The following CSMD1 variants were observed in gnomAD, a reference collection of about 807,000 sequenced individuals.
CSMD1 encodes the protein CUB and sushi domain-containing protein 1.
Under a neutral mutation model 417.5 loss-of-function variants are expected in CSMD1, and 213 were observed. The observed-to-expected ratio is 0.51, with a 90% CI of 0.46 to 0.57. The LOEUF is 0.57. Ranked by LOEUF, CSMD1 falls within the 20% of genes least tolerant of loss-of-function variation. CSMD1 has a pLI of 0.00. For missense variants in CSMD1, 6,923 were observed against 4,529.7 expected, an observed-to-expected ratio of 1.53 and a Z score of -15.17; for synonymous variants, 2,862 against 1,736.8, an observed-to-expected ratio of 1.65 and a Z score of -16.11.
intron 2 of CSMD1, among the ~76,000 whole-genome samples, chr8:4,484,489 A>C (rs1801263966): frequency 6.6e-6 from 1 of 152,112 alleles, no homozygotes; most frequent in Admixed American, 6.5e-5. Flanking sequence ...GGCACAAAAG[A>C]GAACAGGGGA....
chr8:4,899,087 G>C (rs7816996), intron 1 of CSMD1, among the ~76,000 whole-genome samples: 10 of 152,002 alleles, frequency 6.6e-5, no homozygotes, highest in Admixed American at 1.3e-4. Flanking sequence ...TGATTTAAGT[G>C]TGATCTGTTA....
intron 5 of CSMD1, among the ~76,000 whole-genome samples, chr8:3,883,471 T>C (rs1002357387): frequency 2.0e-5 from 3 of 152,152 alleles, no homozygotes; most frequent in South Asian, 2.1e-4. Flanking sequence ...AGTGTGTATA[T>C]ATGTATATGC....
At chr8:4,656,166 G>C (rs2045867) in intron 1 of CSMD1, among the ~76,000 whole-genome samples, 86,730 of 151,712 alleles carry the variant, frequency 0.57, 25,149 homozygotes, top group Admixed American at 0.67. Flanking sequence ...GGGAATGAGG[G>C]AAAACCCCAT....
At chr8:4,733,749 G>A (rs1810048105) in intron 1 of CSMD1, among the ~76,000 whole-genome samples, 1 of 152,078 alleles carries the variant, frequency 6.6e-6, no homozygotes, top group Non-Finnish European at 1.5e-5. Flanking sequence ...AAGTAAAACT[G>A]GTAAACAAAG....
At chr8:3,678,560 A>C (rs912320293) in intron 7 of CSMD1, among the ~76,000 whole-genome samples, 1 of 152,192 alleles carries the variant, frequency 6.6e-6, no homozygotes, top group Non-Finnish European at 1.5e-5. Context: ...TCTATGTCTG[A>C]TTGGTGTACC....
intron 1 of CSMD1, among the ~76,000 whole-genome samples, chr8:4,851,646 T>G (rs1373280416): frequency 6.6e-6 from 1 of 152,098 alleles, no homozygotes; most frequent in East Asian, 1.9e-4. Flanking sequence ...ATTACCTGAC[T>G]TCTCAATGTC....
chr8:3,335,046 G>C (rs924878576), intron 23 of CSMD1, among the ~76,000 whole-genome samples: 4 of 152,194 alleles, frequency 2.6e-5, no homozygotes, highest in Non-Finnish European at 5.9e-5. Context: ...TTCTGATACA[G>C]CTCATGGCAG....
At chr8:3,965,121 T>C (rs56390506) in intron 5 of CSMD1, among the ~76,000 whole-genome samples, 2,233 of 152,258 alleles carry the variant, frequency 0.015, 49 homozygotes, top group African/African-American at 0.05. Context: ...GCTATTATTA[T>C]TGTAATTGTG....
chr8:3,518,601 A>G (rs1440908014), intron 10 of CSMD1, among the ~76,000 whole-genome samples: 1 of 152,236 alleles, frequency 6.6e-6, no homozygotes, highest in Non-Finnish European at 1.5e-5. Context: ...TTTTCAAAAT[A>G]ACTCAGAATT....
intron 1 of CSMD1, among the ~76,000 whole-genome samples, chr8:4,945,255 G>T (rs892428752): frequency 1.3e-5 from 2 of 152,106 alleles, no homozygotes; most frequent in Admixed American, 1.3e-4. Flanking sequence ...AAGGGAACAT[G>T]GGGAGTTACT....
chr8:4,152,501 AGCCCTGTCTCTACAG>A (rs1445956120), intron 3 of CSMD1, among the ~76,000 whole-genome samples: 2 of 149,334 alleles, frequency 1.3e-5, no homozygotes, highest in Non-Finnish European at 3.0e-5. Context: ...AACACTGCAA[AGCCCTGTCTCTACAG>A]AGAGTACCAA....
chr8:3,467,488 C>T (rs1284161770), intron 12 of CSMD1, among the ~76,000 whole-genome samples: 1 of 152,196 alleles, frequency 6.6e-6, no homozygotes, highest in East Asian at 1.9e-4. Context: ...AGGTATTCAG[C>T]AGTTGCCTCT....
chr8:3,718,896 G>A (rs947944624), intron 6 of CSMD1, among the ~76,000 whole-genome samples: 2 of 151,980 alleles, frequency 1.3e-5, no homozygotes, highest in Non-Finnish European at 2.9e-5. Flanking sequence ...GTGATCTATC[G>A]GTTTACACCA....
intron 5 of CSMD1, among the ~76,000 whole-genome samples, chr8:3,845,601 G>A (rs34954333): frequency 0.29 from 43,966 of 151,894 alleles, 6,481 homozygotes; most frequent in Non-Finnish European, 0.32. Context: ...GTACACTACT[G>A]CGGGATCTAT....
At position 4,632,203 on chromosome 8, in the gene CSMD1, A is replaced by T. The variant is rs1802559403; in HGVS notation, c.302+5139T>A. Among the ~76,000 whole-genome samples the T allele has an allele frequency of 2.0e-5, 3 of 152,294 alleles. No individual in the cohort carries two copies. In the South Asian group the frequency reaches 6.2e-4, roughly 32 times the overall value. On this transcript the variant is annotated intron_variant, in intron 2 of 69. Transcript: ENST00000635120. ...GATGAGTTGCCCTGAATCAGGAATA[A>T]TGTAATTCAAAATTGCCCCACGAAC... is the stretch of plus-strand genomic sequence containing the variant.
rs1384270633 is a variant in CSMD1, at chr8:4,007,245, C to G, written c.611-9135G>C. 1.3e-5 allele frequency among the ~76,000 whole-genome samples: 2 copies of G among 152,164 alleles called. 1 individual carries two copies. The highest frequency in any genetic ancestry group is 2.9e-5 in the Non-Finnish European group (2 of 68,026). On this transcript the variant is annotated intron_variant, in intron 4 of 69. Transcript: ENST00000635120. The stretch of plus-strand genomic sequence containing the variant: ...GCTGTGAACTACTCAAATCACCACT[C>G]ATAATAAAACCAAAGCTTACCAGGC...
intron 6 of CSMD1, among the ~76,000 whole-genome samples, chr8:3,719,721 A>T (rs1802041095): frequency 6.6e-6 from 1 of 152,192 alleles, no homozygotes; most frequent in Non-Finnish European, 1.5e-5. Flanking sequence ...TACCAGCCAC[A>T]TATTATGTAC....
chr8:4,023,447 G>C (rs11775776), intron 4 of CSMD1, among the ~76,000 whole-genome samples: 8 of 152,154 alleles, frequency 5.3e-5, no homozygotes, highest in Admixed American at 1.3e-4. Context: ...CACTCATCTA[G>C]ACTCTGGGTT....
chr8:3,058,277 T>G (rs1011339016), intron 49 of CSMD1, among the ~76,000 whole-genome samples: 1 of 152,224 alleles, frequency 6.6e-6, no homozygotes, highest in African/African-American at 2.4e-5. Context: ...ATTGTCTTCT[T>G]AAAATTACTA....
Sources: gnomAD v4.1 joint callset for allele counts (sites outside exome capture counted in the v4.1 genomes callset) on GRCh38, gnomAD v4.1.1 for gene constraint, MANE v1.5 for transcripts, NCBI Gene and HGNC (gene_info 2026-07-23, HGNC 2026-07-21) for gene names.